The following KDM3A variants were observed in gnomAD, a reference collection of about 807,000 sequenced individuals.
The protein encoded by KDM3A is lysine demethylase 3A, also known as lysine-specific demethylase 3A.
In KDM3A, 60 loss-of-function variants were observed where a neutral mutation model predicts 158.0. The observed-to-expected ratio is 0.38, with a 90% CI of 0.31 to 0.47. KDM3A has a LOEUF of 0.47. Ranked by LOEUF, KDM3A falls within the 20% of genes least tolerant of loss-of-function variation. The pLI, the probability that KDM3A is intolerant of heterozygous loss-of-function variation, is 0.99. For missense variants in KDM3A, 1,319 were observed against 1,574.3 expected, an observed-to-expected ratio of 0.84 and a Z score of 2.74; for synonymous variants, 608 against 549.3, an observed-to-expected ratio of 1.11 and a Z score of -1.49.
rs779816862 is a variant in KDM3A at position 86,442,016 on chromosome 2, A to T, written c.-30-2A>T. ...TCGCATTTTGTTTTTGTGTTTTTGC[A>T]GGGAGGAGCTCTTCCTGCAGGCGTG... On this transcript the variant is annotated splice_acceptor_variant, in intron 1 of 25. Transcript: ENST00000312912. LOFTEE classifies it low-confidence loss of function (5UTR_SPLICE). 1.3e-6 allele frequency: 2 copies of T among 1,589,332 alleles called. No individual in the cohort carries two copies. The highest frequency in any genetic ancestry group is 1.7e-6 in the Non-Finnish European group (2 of 1,166,002).
At chr2:86,488,391 T>C (rs775205430) in intron 21 of KDM3A, 1 of 152,176 alleles carries the variant, frequency 6.6e-6, no homozygotes, top group Non-Finnish European at 1.5e-5. Context: ...CATCATCCTC[T>C]CAACTATCCT....
intron 9 of KDM3A, among the ~76,000 whole-genome samples, chr2:86,465,270 TTCTATTTG>T (rs1250832156): frequency 6.6e-6 from 1 of 152,238 alleles, no homozygotes; most frequent in African/African-American, 2.4e-5. Context: ...CAATCAGCTA[TTCTATTTG>T]CTCTGTGTGC....
chr2:86,453,824 G>T (rs1351248003), intron 4 of KDM3A, among the ~76,000 whole-genome samples: 1 of 152,126 alleles, frequency 6.6e-6, no homozygotes, highest in Non-Finnish European at 1.5e-5. Flanking sequence ...CCTTCCCAGT[G>T]GGAAAAATGG....
At chr2:86,452,442 T>TG (rs1672509190) in intron 4 of KDM3A, among the ~76,000 whole-genome samples, 2 of 152,112 alleles carry the variant, frequency 1.3e-5, no homozygotes, top group Admixed American at 1.3e-4. Flanking sequence ...ACCAGAGGCT[T>TG]GAAGGAACCT....
intron 21 of KDM3A, 90 bp from the exon 22 acceptor site, chr2:86,489,228 C>G: frequency 7.0e-7 from 1 of 1,419,674 alleles, no homozygotes; most frequent in Non-Finnish European, 9.6e-7. Flanking sequence ...AAGAGTCAAT[C>G]AGGGACCTAC....
chr2:86,483,057 C>A (rs919578451), intron 18 of KDM3A: 9 of 230,412 alleles, frequency 3.9e-5, no homozygotes, highest in Non-Finnish European at 7.7e-5. Flanking sequence ...AAATCATGCA[C>A]CCCTCTTACC....
At chr2:86,446,617 C>T (rs560736931) in intron 2 of KDM3A, among the ~76,000 whole-genome samples, 3 of 152,134 alleles carry the variant, frequency 2.0e-5, no homozygotes, top group South Asian at 2.1e-4. Context: ...GTCTGAGGCA[C>T]GAGAATCACC....
chr2:86,443,679 T>C (rs1682838419), intron 2 of KDM3A: 1 of 152,236 alleles, frequency 6.6e-6, no homozygotes, highest in Non-Finnish European at 1.5e-5. Context: ...AGCTGCCCTC[T>C]TAACCATCAG....
Position 86,442,027 on chromosome 2 carries a change from C to T in KDM3A, c.-21C>T. On this transcript the variant is annotated 5_prime_UTR_variant, in exon 2 of 26. Coordinates refer to ENST00000312912, the MANE Select transcript of KDM3A (RefSeq NM_018433.6). ...TTTTGTGTTTTTGCAGGGAGGAGCT[C>T]TTCCTGCAGGCGTGGAAACCATGGT... 1.2e-6 allele frequency: 2 copies of T among 1,610,862 alleles called. No homozygotes were observed. Among genetic ancestry groups the T allele is most frequent in the Non-Finnish European group, 1.7e-6 (2 of 1,178,276 alleles).
intron 4 of KDM3A, among the ~76,000 whole-genome samples, chr2:86,453,421 G>A (rs1166883620): frequency 6.6e-6 from 1 of 152,074 alleles, no homozygotes; most frequent in Non-Finnish European, 1.5e-5. Context: ...AAAATCATTT[G>A]GCATGTGGAA....
chr2:86,456,265 TTAAATTTTCTCA>T (rs2104643174), intron 5 of KDM3A, among the ~76,000 whole-genome samples, 165 bp from the exon 6 acceptor site: 1 of 152,294 alleles, frequency 6.6e-6, no homozygotes, highest in Non-Finnish European at 1.5e-5. Context: ...AATAAAAAGT[TTAAATTTTCTCA>T]TAGCTTTTCT....
chr2:86,480,101 G>GAAGAA (rs1316693109), intron 15 of KDM3A, 66 bp from the exon 16 acceptor site: 7 of 1,264,212 alleles, frequency 5.5e-6, no homozygotes, highest in African/African-American at 1.5e-5. Context: ...TATTAGGAGA[G>GAAGAA]AAGAAAAGAA....
In KDM3A at chr2:86,466,591, A is replaced by G. The variant is rs757341326; in HGVS notation, c.1227A>G (p.Ala409=). The change falls in exon 10 of 26, where the codon GCA becomes GCG. Residue 409 remains alanine (A), a synonymous_variant. Coordinates refer to ENST00000312912, the MANE Select transcript of KDM3A (RefSeq NM_018433.6). ...QENRLESVPQ[A]LTGLPKECLP... ...ACAGATTGGAGTCTGTTCCACAAGC[A>G]TTGACTGGCCTTCCTAAGGAGTGCT... 26 of 1,613,994 alleles carry G rather than the reference A, an allele frequency of 1.6e-5. No homozygotes were observed. The South Asian group carries it at 2.1e-4, about 13-fold the overall frequency.
rs113455153 is a variant in KDM3A, at chr2:86,481,836, A to T, written c.2513-94A>T. On this transcript the variant is annotated intron_variant, in intron 16 of 25. Transcript: ENST00000312912. ...TATTTTTTTTGTTTCAGTAAATAGA[A>T]AGCAAGTTCTAAAGTAATTCTGCTA... The T allele has an allele frequency of 5.9e-4, 559 of 943,148 alleles. 1 individual carries two copies. The highest frequency in any genetic ancestry group is 8.4e-4 in the Non-Finnish European group (515 of 615,266). 58.4% of individuals were successfully genotyped at this position (943,148 alleles called of 1,614,324 possible).
At chr2:86,461,551 T>C (rs1057108471) in intron 8 of KDM3A, among the ~76,000 whole-genome samples, 3 of 152,208 alleles carry the variant, frequency 2.0e-5, no homozygotes, top group Non-Finnish European at 2.9e-5. Flanking sequence ...CAGCAGGGCC[T>C]CTGCCCATAA....
At chr2:86,437,639 T>A (rs982223297), upstream of KDM3A, among the ~76,000 whole-genome samples, 1 of 152,216 alleles carries the variant, frequency 6.6e-6, no homozygotes, top group African/African-American at 2.4e-5. Context: ...AAATGACATA[T>A]TTATCAGATC....
intron 2 of KDM3A, chr2:86,443,077 G>T (rs75084119): frequency 2.0e-5 from 3 of 152,078 alleles, no homozygotes; most frequent in African/African-American, 7.3e-5. Flanking sequence ...CAGTGAGGAA[G>T]CCATTGTACC....
chr2:86,465,010 C>T (rs893558997), intron 9 of KDM3A, among the ~76,000 whole-genome samples: 3 of 152,054 alleles, frequency 2.0e-5, no homozygotes, highest in East Asian at 1.9e-4. Context: ...AAAATAGAAA[C>T]GGAGGGAACA....
At chr2:86,472,990 C>T (rs139353487) in intron 11 of KDM3A, among the ~76,000 whole-genome samples, 105 of 152,260 alleles carry the variant, frequency 6.9e-4, no homozygotes, top group African/African-American at 2.3e-3. Context: ...AAGTCCTTGT[C>T]GTATTGGCCC....
Sources: allele counts gnomAD v4.1 joint callset (sites outside exome capture counted in the v4.1 genomes callset), GRCh38; gene constraint gnomAD v4.1.1; transcripts MANE v1.5; gene names NCBI Gene and HGNC (gene_info 2026-07-23, HGNC 2026-07-21).